The following AGBL1 variants were observed in gnomAD, a reference collection of about 807,000 sequenced individuals.
AGBL1 encodes the protein cytosolic carboxypeptidase 4.
A neutral mutation model predicts 118.9 loss-of-function variants in AGBL1; 130 were observed. The ratio of observed to expected loss-of-function variants is 1.09; its 90% CI spans 0.95 to 1.26. AGBL1 has a LOEUF of 1.26. Ranked by LOEUF, AGBL1 falls within the 50% of genes most tolerant of loss-of-function variation. The pLI is 0.00. For synonymous variants in AGBL1, 555 were observed against 478.9 expected (o/e 1.16, Z -2.08); for missense variants, 1,584 against 1,298.1 (o/e 1.22, Z -3.38).
At chr15:86,884,899 T>C (rs1397134974) in intron 22 of AGBL1, among the ~76,000 whole-genome samples, 2 of 152,220 alleles carry the variant, frequency 1.3e-5, no homozygotes, top group African/African-American at 4.8e-5. Flanking sequence ...CAGCGAGCTC[T>C]CGGATACGGA....
chr15:86,735,668 A>ATT (rs1555444835), intron 22 of AGBL1, among the ~76,000 whole-genome samples: 6 of 150,432 alleles, frequency 4.0e-5, no homozygotes, highest in African/African-American at 1.5e-4. Context: ...ATATATATAT[A>ATT]TTTTATTTGT....
chr15:86,291,300 G>T (rs1350732157), intron 16 of AGBL1, among the ~76,000 whole-genome samples: 2 of 152,066 alleles, frequency 1.3e-5, no homozygotes, highest in Non-Finnish European at 2.9e-5. Flanking sequence ...ATGTAGTGTT[G>T]CAGAAGAAAT....
chr15:86,302,413 G>A (rs79474411), intron 17 of AGBL1, among the ~76,000 whole-genome samples: 1,672 of 152,114 alleles, frequency 0.011, 29 homozygotes, highest in African/African-American at 0.036. Context: ...GCAGAGAAAT[G>A]GGGGCAATGT....
chr15:86,104,298 G>A (rs1000005076), intron 1 of AGBL1, among the ~76,000 whole-genome samples: 1 of 152,168 alleles, frequency 6.6e-6, no homozygotes, highest in East Asian at 1.9e-4. Context: ...TGGAATGTTT[G>A]GGTGAGGACA....
intron 18 of AGBL1, among the ~76,000 whole-genome samples, chr15:86,406,261 T>C (rs2081528946): frequency 1.3e-5 from 2 of 152,198 alleles, no homozygotes; most frequent in Admixed American, 1.3e-4. Context: ...CAGAACCTAC[T>C]GTCAACTGTC....
At chr15:86,670,599 T>A (rs531620631) in intron 21 of AGBL1, among the ~76,000 whole-genome samples, 1 of 31,262 alleles carries the variant, frequency 3.2e-5, no homozygotes, top group Non-Finnish European at 6.8e-5. Context: ...AGTGAAACTC[T>A]GACACACACA....
At chr15:86,589,799 T>C (rs924763207) in intron 21 of AGBL1, among the ~76,000 whole-genome samples, 5 of 152,210 alleles carry the variant, frequency 3.3e-5, no homozygotes, top group Admixed American at 3.3e-4. Context: ...ATCATTTCTC[T>C]ATCTGTCCAC....
At chr15:86,118,359 C>T (rs997995416) in intron 1 of AGBL1, among the ~76,000 whole-genome samples, 2 of 152,094 alleles carry the variant, frequency 1.3e-5, no homozygotes, top group Non-Finnish European at 2.9e-5. Context: ...ATTCAAGACA[C>T]GTCTCCCCTC....
At chr15:87,019,206 T>G (rs2570110) in intron 24 of AGBL1, among the ~76,000 whole-genome samples, 58,443 of 151,770 alleles carry the variant, frequency 0.39, 11,770 homozygotes, top group East Asian at 0.51. Flanking sequence ...TTATTAGACA[T>G]ATCATCAAGG....
chr15:86,151,191 C>T (rs578249551), intron 3 of AGBL1, among the ~76,000 whole-genome samples: 2 of 151,768 alleles, frequency 1.3e-5, no homozygotes, highest in African/African-American at 4.8e-5. Flanking sequence ...GGGAGATATA[C>T]CTAATGCTAG....
At chr15:86,477,254 A>C (rs1032651362) in intron 18 of AGBL1, among the ~76,000 whole-genome samples, 17 of 79,934 alleles carry the variant, frequency 2.1e-4, no homozygotes, top group African/African-American at 7.3e-4. Flanking sequence ...AAGGAGATAG[A>C]GACACAAAAA....
At chr15:86,558,761 G>A (rs1271677963) in intron 21 of AGBL1, among the ~76,000 whole-genome samples, 2 of 152,146 alleles carry the variant, frequency 1.3e-5, no homozygotes. Context: ...CACTCCACTT[G>A]CCTTAGCTGT....
At chr15:86,108,049 C>T (rs1897154752) in intron 1 of AGBL1, among the ~76,000 whole-genome samples, 1 of 152,210 alleles carries the variant, frequency 6.6e-6, no homozygotes, top group African/African-American at 2.4e-5. Flanking sequence ...CTCATGCTAC[C>T]ATAATCAGGG....
chr15:86,209,571 C>A (rs983317191), intron 5 of AGBL1, among the ~76,000 whole-genome samples: 2 of 152,072 alleles, frequency 1.3e-5, no homozygotes, highest in Admixed American at 6.6e-5. Flanking sequence ...TATGCAATGG[C>A]CTTCTTTGTC....
Position 86,298,263 on chromosome 15 carries a change from A to ATATATATATATATGGTAAC in AGBL1, c.2374+2868_2374+2869insGGTAACTATATATATATAT, listed in dbSNP as rs1567185695. Among the ~76,000 whole-genome samples, 50 of 80,176 alleles carry ATATATATATATATGGTAAC rather than the reference A, an allele frequency of 6.2e-4. 3 individuals are homozygous for ATATATATATATATGGTAAC. The highest frequency in any genetic ancestry group is 1.3e-3 in the African/African-American group (26 of 20,456). The allele number at this position is 80,176 out of a possible 152,430, so 52.6% of individuals were successfully genotyped here. On this transcript the variant is annotated intron_variant, in intron 17 of 22. Transcript: ENST00000614907. ...CTGTGTATAATATATATATATATAT[A>ATATATATATATATGGTAAC]TATATATATATATATATGGTAACTA...
chr15:86,586,719 T>G (rs2084254050), intron 21 of AGBL1, among the ~76,000 whole-genome samples: 1 of 152,158 alleles, frequency 6.6e-6, no homozygotes, highest in Middle Eastern at 3.2e-3. Flanking sequence ...TACAATAGTT[T>G]GGTCTGAAAA....
At chr15:86,967,503 T>C (rs561280041) in intron 23 of AGBL1, among the ~76,000 whole-genome samples, 1 of 152,150 alleles carries the variant, frequency 6.6e-6, no homozygotes, top group Non-Finnish European at 1.5e-5. Flanking sequence ...AATTTTTGTA[T>C]AAGGTGTAAG....
chr15:86,312,647 C>T (rs1162149072), intron 17 of AGBL1, among the ~76,000 whole-genome samples: 1 of 152,164 alleles, frequency 6.6e-6, no homozygotes, highest in Non-Finnish European at 1.5e-5. Flanking sequence ...TTTTCTGTGG[C>T]TCATTGAGCA....
intron 17 of AGBL1, among the ~76,000 whole-genome samples, chr15:86,342,701 C>T (rs1032323009): frequency 1.3e-5 from 2 of 152,120 alleles, no homozygotes; most frequent in East Asian, 3.9e-4. Flanking sequence ...TGAAATGAAG[C>T]TTCTCGGAGC....
Sources: allele counts gnomAD v4.1 joint callset (sites outside exome capture counted in the v4.1 genomes callset), GRCh38; gene constraint gnomAD v4.1.1; transcripts MANE v1.5; gene names NCBI Gene and HGNC (gene_info 2026-07-23, HGNC 2026-07-21).